SYNJ1: variants seen among roughly 807,000 people sequenced by gnomAD.
The protein encoded by SYNJ1 is synaptojanin 1, also known as polyphosphatidylinositol phosphatase SYNJ1.
A neutral mutation model predicts 168.2 loss-of-function variants in SYNJ1; 78 were observed. The ratio of observed to expected loss-of-function variants is 0.46; its 90% CI spans 0.39 to 0.56. SYNJ1 has a LOEUF of 0.56. Among genes scored for constraint, SYNJ1 ranks in the 20% least tolerant of loss-of-function variants. SYNJ1 has a pLI of 0.00. For missense variants in SYNJ1, 1,303 were observed against 1,597.6 expected, an observed-to-expected ratio of 0.82 and a Z score of 3.14; for synonymous variants, 539 against 548.6, an observed-to-expected ratio of 0.98 and a Z score of 0.24.
rs781599934 is a variant in SYNJ1, at chr21:32,678,674, C to T, written c.1481G>A (p.Arg494Gln). 9 of 1,609,750 alleles carry T rather than the reference C, an allele frequency of 5.6e-6. No homozygotes were observed. Among genetic ancestry groups the T allele is most frequent in the African/African-American group, 2.7e-5 (2 of 74,612 alleles). ...CAAACTTCCAGTAGTTAAAAGTGCT[C>T]GAGCTTTGTCAGCTAAATCACTATT... Reference protein sequence around the residue: ...TLNSDLADKARALLTTGSLRV... With the variant: ...TLNSDLADKAQALLTTGSLRV... The change falls in exon 12 of 33, where the codon CGA becomes CAA. Residue 494 changes from arginine to glutamine, a missense_variant. Arg to Gln is a conservative substitution (Grantham distance 43). Around this residue, in one of 2 missense-constraint regions of SYNJ1, gnomAD observed 920 missense variants for 1,208.8 expected, o/e 0.76. Coordinates refer to ENST00000674351, the MANE Select transcript of SYNJ1 (RefSeq NM_203446.3).
At chr21:32,720,069 G>A (rs778417459) in intron 2 of SYNJ1, among the ~76,000 whole-genome samples, 97 of 151,936 alleles carry the variant, frequency 6.4e-4, no homozygotes, top group Admixed American at 1.2e-3. Flanking sequence ...GAGAAACCCC[G>A]TCTCTACTAA....
Position 32,684,104 on chromosome 21 carries a change from T to G in SYNJ1, c.1134A>C (p.Thr378=). 6.2e-7 allele frequency: 1 copy of G among 1,613,602 alleles called. No homozygotes were observed. The highest frequency in any genetic ancestry group is 1.1e-5 in the South Asian group (1 of 91,064). The stretch of plus-strand genomic sequence containing the variant: ...GACAATCCAAGCAGTTTGTTCGAAC[T>G]GTACCACTCTGGCATCTGTAACCAA... The part of the protein sequence containing the change: ...GSEVQRCQSG[T]VRTNCLDCLD... Residue 378 remains threonine, a synonymous_variant, in exon 10 of 33, where the codon ACA becomes ACC. Transcript: ENST00000674351.
chr21:32,658,104 G>T (rs369424802), intron 18 of SYNJ1, among the ~76,000 whole-genome samples: 1 of 152,194 alleles, frequency 6.6e-6, no homozygotes, highest in Non-Finnish European at 1.5e-5. Flanking sequence ...GCAGAAGTGG[G>T]TGGGTCCCTT....
chr21:32,701,833 A>C (rs896398739), intron 3 of SYNJ1, 128 bp downstream of exon 3: 1 of 633,132 alleles, frequency 1.6e-6, no homozygotes, highest in Non-Finnish European at 2.5e-6. Context: ...TTAATGTTTA[A>C]AAGATGTTAG....
intron 2 of SYNJ1, among the ~76,000 whole-genome samples, chr21:32,718,507 A>C (rs1407016440): frequency 6.6e-6 from 1 of 152,202 alleles, no homozygotes; most frequent in Non-Finnish European, 1.5e-5. Context: ...CCTAACATAA[A>C]GTGATATATA....
At chr21:32,714,406 C>G (rs1170827939) in intron 2 of SYNJ1, among the ~76,000 whole-genome samples, 2 of 152,070 alleles carry the variant, frequency 1.3e-5, no homozygotes, top group Non-Finnish European at 2.9e-5. Flanking sequence ...TAAGTAGAAG[C>G]AGAGGGACCA....
chr21:32,659,738 A>G (rs1372890029), intron 18 of SYNJ1, among the ~76,000 whole-genome samples: 5 of 152,200 alleles, frequency 3.3e-5, no homozygotes, highest in Non-Finnish European at 5.9e-5. Flanking sequence ...TTGGAGACGC[A>G]AGTCTGCCGA....
intron 31 of SYNJ1, among the ~76,000 whole-genome samples, chr21:32,638,557 C>G (rs771575460): frequency 8.5e-5 from 13 of 152,122 alleles, no homozygotes; most frequent in African/African-American, 3.1e-4. Flanking sequence ...ATTAGCCGGG[C>G]ATGGTGGCAG....
At chr21:32,646,079 C>T in intron 24 of SYNJ1, 3 of 700,102 alleles carry the variant, frequency 4.3e-6, no homozygotes, top group Non-Finnish European at 2.6e-6. Context: ...TGAGTTAAGC[C>T]ATTTTGTAGT....
intron 1 of SYNJ1, among the ~76,000 whole-genome samples, chr21:32,727,582 G>A (rs780186509): frequency 7.7e-4 from 117 of 152,284 alleles, no homozygotes; most frequent in Non-Finnish European, 1.4e-3. Context: ...GGGCTCCTCG[G>A]GGGTCCCGGG....
At chr21:32,635,449 C>G (rs1330177197) in intron 31 of SYNJ1, among the ~76,000 whole-genome samples, 1 of 152,156 alleles carries the variant, frequency 6.6e-6, no homozygotes, top group Non-Finnish European at 1.5e-5. Context: ...GCTGTCAGCA[C>G]ACCACAAAGA....
intron 12 of SYNJ1, 39 bp from the exon 13 acceptor site, chr21:32,676,394 A>G: frequency 6.3e-7 from 1 of 1,592,088 alleles, no homozygotes; most frequent in Non-Finnish European, 8.6e-7. Context: ...AATCATTAGT[A>G]AAAACAAGTT....
chr21:32,696,191 T>G (rs969629732), intron 4 of SYNJ1, among the ~76,000 whole-genome samples: 2 of 152,232 alleles, frequency 1.3e-5, no homozygotes, highest in Admixed American at 6.5e-5. Context: ...TATAAGGCTC[T>G]ATTTTAATTA....
At chr21:32,673,663 G>T (rs2041290211) in intron 13 of SYNJ1, 132 bp from the exon 14 acceptor site, 2 of 683,950 alleles carry the variant, frequency 2.9e-6, no homozygotes, top group Non-Finnish European at 4.3e-6. Flanking sequence ...AAAAGATACA[G>T]GCACAGGCAC....
In SYNJ1 at chr21:32,666,555, G is replaced by A; in HGVS notation, c.1830C>T (p.Leu610=). The A allele has an allele frequency of 6.2e-7, 1 of 1,612,384 alleles. No individual in the cohort carries two copies. The highest frequency in any genetic ancestry group is 8.5e-7 in the Non-Finnish European group (1 of 1,179,558). Residue 610 remains leucine (L), a synonymous_variant, in exon 16 of 33, where the codon CTC becomes CTT. Transcript: ENST00000674351. The stretch of plus-strand genomic sequence containing the variant: ...TTGTCTTCTGAAGTTCTACAGCCCA[G>A]AGCTTCTGATTTGTTGTGCTACAAG... ...IVSASTTNQK[L]WAVELQKTIS... is the part of the protein sequence containing the mutation.
At chr21:32,660,089 C>T (rs1043009464) in intron 18 of SYNJ1, among the ~76,000 whole-genome samples, 9 of 152,226 alleles carry the variant, frequency 5.9e-5, no homozygotes, top group Non-Finnish European at 1.0e-4. Flanking sequence ...AACCCCTTTA[C>T]ACTCTATGTG....
rs769402980 is a variant in SYNJ1 at position 32,657,084 on chromosome 21, T to C, written c.2498A>G (p.Asp833Gly). 2 of 1,613,932 alleles carry C rather than the reference T, an allele frequency of 1.2e-6. No individual in the cohort carries two copies. Among genetic ancestry groups the C allele is most frequent in the South Asian group, 1.1e-5 (1 of 91,082 alleles). The change falls in exon 20 of 33, where the codon GAT (aspartate) becomes GGT (glycine). Residue 833 changes from aspartate to glycine, a missense_variant. Coordinates refer to ENST00000674351, the MANE Select transcript of SYNJ1 (RefSeq NM_203446.3). ...DLDLLNASFQ[D>G]ESKILYTWTP... Reference sequence around the variant, plus strand: ...CCACGTGTACAGAATTTTGCTTTCATCTTGAAAACTAGCATTTAGAAGATC... The same window carrying C: ...CCACGTGTACAGAATTTTGCTTTCACCTTGAAAACTAGCATTTAGAAGATC...
Position 32,646,566 on chromosome 21 carries a change from A to C in SYNJ1, c.3074T>G (p.Leu1025Arg). The change falls in exon 24 of 33, where the codon CTT (leucine) becomes CGT (arginine). Residue 1025 changes from leucine (L) to arginine (R), a missense_variant. This residue lies in a region of SYNJ1 where 383 missense variants were observed against 388.8 expected (regional missense o/e 0.99). Transcript: ENST00000674351. ...AGATGGCTGGAGATGCTGAGGAAGA[A>C]GTTCCTCCACTTCAGCACTATAGTC... ...VDDYSAEVEELLPQHLQPSSS... is the reference protein window; with the variant it reads ...VDDYSAEVEERLPQHLQPSSS... 6.2e-7 allele frequency: 1 copy of C among 1,614,168 alleles called. No homozygotes were observed. The highest frequency in any genetic ancestry group is 8.5e-7 in the Non-Finnish European group (1 of 1,180,006).
intron 2 of SYNJ1, among the ~76,000 whole-genome samples, chr21:32,706,495 G>T (rs1337057118): frequency 7.0e-6 from 1 of 143,736 alleles, no homozygotes; most frequent in Admixed American, 6.9e-5. Context: ...CAGTTCTGGG[G>T]CAAAAAAAAA....
Sources: allele counts gnomAD v4.1 joint callset (sites outside exome capture counted in the v4.1 genomes callset), GRCh38; gene constraint gnomAD v4.1.1; regional missense constraint gnomAD v4.1.1; transcripts MANE v1.5; gene names NCBI Gene and HGNC (gene_info 2026-07-23, HGNC 2026-07-21).